The following PPP1R42 variants were observed in gnomAD, a reference collection of about 807,000 sequenced individuals.
The protein encoded by PPP1R42 is protein phosphatase 1 regulatory subunit 42, also known as leucine rich repeat containing 67.
Under a neutral mutation model 31.0 loss-of-function variants are expected in PPP1R42, and 34 were observed. The observed-to-expected ratio is 1.10, with a 90% CI of 0.83 to 1.46. The LOEUF is 1.46. Ranked by LOEUF, PPP1R42 falls within the 40% of genes most tolerant of loss-of-function variation. The pLI, the probability that PPP1R42 is intolerant of heterozygous loss-of-function variation, is 0.00. For missense variants in PPP1R42, 268 were observed against 303.0 expected, an observed-to-expected ratio of 0.88 and a Z score of 0.86; for synonymous variants, 103 against 109.8, an observed-to-expected ratio of 0.94 and a Z score of 0.39.
chr8:67,006,794 T>G (rs1815696551), intron 5 of PPP1R42, among the ~76,000 whole-genome samples: 1 of 140,366 alleles, frequency 7.1e-6, no homozygotes, highest in African/African-American at 2.7e-5. Flanking sequence ...TCGTCCAGGC[T>G]GGAATGCAGT....
At chr8:66,969,379 TGTG>T (rs1814476213) in intron 7 of PPP1R42, among the ~76,000 whole-genome samples, 1 of 152,216 alleles carries the variant, frequency 6.6e-6, no homozygotes, top group Non-Finnish European at 1.5e-5. Context: ...AAGAAATTAT[TGTG>T]GTGCTATGGA....
intron 5 of PPP1R42, among the ~76,000 whole-genome samples, chr8:66,992,795 A>G (rs1815228836): frequency 6.6e-6 from 1 of 152,210 alleles, no homozygotes; most frequent in Admixed American, 6.5e-5. Flanking sequence ...TGTTACCCTA[A>G]AGAAAGAGAG....
Position 67,012,955 on chromosome 8 carries a change from T to C in PPP1R42, c.435+3A>G. ...TTGTCAAAATATTCAAATGTGAACT[T>C]ACTGCCAGAGAATGAAGAGTTCTTG... is the stretch of plus-strand genomic sequence containing the variant. On this transcript the variant is annotated splice_donor_region_variant and intron_variant, in intron 4 of 7. Transcript: ENST00000685739. 1 of 1,593,020 alleles carries C rather than the reference T, an allele frequency of 6.3e-7. No homozygotes were observed. The highest frequency in any genetic ancestry group is 1.2e-5 in the South Asian group (1 of 86,374).
chr8:66,971,293 A>T (rs550745707), intron 7 of PPP1R42, among the ~76,000 whole-genome samples: 51 of 152,362 alleles, frequency 3.3e-4, no homozygotes, highest in African/African-American at 1.2e-3. Context: ...CGAGGAAAAA[A>T]TAGCACAGAC....
chr8:67,026,397 G>A (rs1816398083), intron 1 of PPP1R42, among the ~76,000 whole-genome samples: 1 of 152,128 alleles, frequency 6.6e-6, no homozygotes, highest in Non-Finnish European at 1.5e-5. Context: ...TAGGGCTAGG[G>A]TAGTTGATTG....
chr8:66,989,481 T>TTA (rs1486393265), intron 5 of PPP1R42, among the ~76,000 whole-genome samples: 1 of 152,230 alleles, frequency 6.6e-6, no homozygotes, highest in Non-Finnish European at 1.5e-5. Flanking sequence ...ACTTTGAGTA[T>TTA]TTCTTATAAG....
intron 5 of PPP1R42, among the ~76,000 whole-genome samples, chr8:66,999,289 C>T (rs1241508012): frequency 2.0e-5 from 3 of 152,090 alleles, no homozygotes; most frequent in Non-Finnish European, 2.9e-5. Context: ...GGCATGATCT[C>T]GGCTCACTGC....
intron 5 of PPP1R42, among the ~76,000 whole-genome samples, chr8:66,990,238 C>G (rs1475935075): frequency 2.6e-5 from 4 of 152,154 alleles, no homozygotes; most frequent in Admixed American, 6.6e-5. Context: ...ACATTTTTTA[C>G]AGTGTTGAAT....
chr8:67,016,533 G>A (rs1437717470), intron 2 of PPP1R42, among the ~76,000 whole-genome samples: 2 of 152,222 alleles, frequency 1.3e-5, no homozygotes, highest in Non-Finnish European at 2.9e-5. Flanking sequence ...CTTGTCTGAT[G>A]TAATTGACCC....
chr8:66,968,712 T>C (rs1054483363), intron 7 of PPP1R42, among the ~76,000 whole-genome samples: 9 of 152,116 alleles, frequency 5.9e-5, no homozygotes, highest in African/African-American at 2.2e-4. Context: ...GTATCAAGAG[T>C]TTGATGAAAC....
chr8:66,988,414 A>G lies in PPP1R42; in HGVS notation c.656T>C (p.Val219Ala). Residue 219 changes from valine to alanine, a missense_variant, in exon 6 of 8, where the codon GTG (valine) becomes GCG (alanine). Physicochemically the swap from Val to Ala is moderately conservative, Grantham distance 64. Transcript: ENST00000685739. ...TAAATATGTACCCAGTGATTTGGAC[A>G]CCAATATCAGTCTGTCCCTGTATTT... ...KPKYRDRLIL[V>A]SKSLEFLDGK... The G allele has an allele frequency of 6.4e-7, 1 of 1,559,108 alleles. No homozygotes were observed. Among genetic ancestry groups the G allele is most frequent in the Non-Finnish European group, 8.7e-7 (1 of 1,152,340 alleles).
intron 5 of PPP1R42, among the ~76,000 whole-genome samples, chr8:66,989,751 A>T (rs149133197): frequency 3.9e-5 from 6 of 152,308 alleles, no homozygotes; most frequent in African/African-American, 1.4e-4. Context: ...AATATAAGAC[A>T]TTGTTTTTTT....
intron 4 of PPP1R42, among the ~76,000 whole-genome samples, chr8:67,012,215 G>A (rs1456549091): frequency 2.0e-5 from 3 of 152,098 alleles, no homozygotes; most frequent in Admixed American, 6.6e-5. Flanking sequence ...CAGCTTGGGC[G>A]ACAGGGTTTT....
intron 7 of PPP1R42, among the ~76,000 whole-genome samples, chr8:66,964,805 C>T (rs1184383503): frequency 6.6e-6 from 1 of 152,068 alleles, no homozygotes; most frequent in East Asian, 1.9e-4. Flanking sequence ...GTTAAGTTCA[C>T]CCTTTTCAGT....
chr8:66,996,520 C>G (rs537035088), intron 5 of PPP1R42, among the ~76,000 whole-genome samples: 2 of 152,338 alleles, frequency 1.3e-5, no homozygotes, highest in South Asian at 2.1e-4. Context: ...TGGGTGCCTT[C>G]TAGCCTACCG....
At chr8:66,990,105 T>A (rs1377809832) in intron 5 of PPP1R42, among the ~76,000 whole-genome samples, 1 of 152,228 alleles carries the variant, frequency 6.6e-6, no homozygotes, top group Non-Finnish European at 1.5e-5. Context: ...GGCTCTGGAA[T>A]ATGCCTTCTC....
intron 6 of PPP1R42, among the ~76,000 whole-genome samples, chr8:66,983,271 T>A (rs1176719100): frequency 1.3e-5 from 2 of 152,280 alleles, no homozygotes; most frequent in South Asian, 4.1e-4. Flanking sequence ...TAATATTGTG[T>A]TGTGAACATT....
At chr8:66,971,896 C>T (rs962873325) in intron 7 of PPP1R42, among the ~76,000 whole-genome samples, 27 of 152,092 alleles carry the variant, frequency 1.8e-4, no homozygotes, top group Admixed American at 1.3e-3. Flanking sequence ...CTATCAAAAA[C>T]ACATAAAAGA....
At chr8:67,013,678 C>T (rs1362468863) in intron 3 of PPP1R42, among the ~76,000 whole-genome samples, 1 of 152,146 alleles carries the variant, frequency 6.6e-6, no homozygotes, top group Non-Finnish European at 1.5e-5. Flanking sequence ...CATGATCGCG[C>T]CACTGCATTC....
Sources: gnomAD v4.1 joint callset for allele counts (sites outside exome capture counted in the v4.1 genomes callset) on GRCh38, gnomAD v4.1.1 for gene constraint, MANE v1.5 for transcripts, NCBI Gene and HGNC (gene_info 2026-07-23, HGNC 2026-07-21) for gene names.